SHQ1: variants seen among roughly 807,000 people sequenced by gnomAD.
SHQ1 encodes SHQ1, H/ACA ribonucleoprotein assembly factor.
A neutral mutation model predicts 53.8 loss-of-function variants in SHQ1; 49 were observed. The observed-to-expected ratio is 0.91, with a 90% confidence interval of 0.72 to 1.16. SHQ1 has a LOEUF of 1.16. Among genes scored for constraint, SHQ1 ranks in the 50% most tolerant of loss-of-function variants. The probability of loss-of-function intolerance (pLI) is 0.00; values close to 1 mark genes in which losing one functional copy is unlikely to be tolerated. For missense variants in SHQ1, 738 were observed against 683.1 expected (o/e 1.08, Z -0.90); for synonymous variants, 243 against 251.0 (o/e 0.97, Z 0.30).
At chr3:72,770,814 T>A (rs1023268186) in intron 10 of SHQ1, among the ~76,000 whole-genome samples, 1 of 152,132 alleles carries the variant, frequency 6.6e-6, no homozygotes, top group African/African-American at 2.4e-5. Context: ...GACCATGAAC[T>A]CAAAATATGT....
intron 10 of SHQ1, among the ~76,000 whole-genome samples, chr3:72,792,314 A>T (rs1330645019): frequency 6.6e-6 from 1 of 152,234 alleles, no homozygotes; most frequent in African/African-American, 2.4e-5. Flanking sequence ...TAGCAAGGCA[A>T]TCAATATCAC....
chr3:72,755,802 TTC>T (rs1705486009), intron 10 of SHQ1, among the ~76,000 whole-genome samples: 1 of 152,248 alleles, frequency 6.6e-6, no homozygotes, highest in Non-Finnish European at 1.5e-5. Flanking sequence ...GTAGTAGTTT[TTC>T]TCTGTCGTAC....
At chr3:72,786,365 A>G (rs992782243) in intron 10 of SHQ1, among the ~76,000 whole-genome samples, 1 of 152,120 alleles carries the variant, frequency 6.6e-6, no homozygotes, top group Non-Finnish European at 1.5e-5. Flanking sequence ...GATGCTCCAT[A>G]TTCTCCCAGG....
At chr3:72,800,736 T>C (rs2106821775) in intron 9 of SHQ1, among the ~76,000 whole-genome samples, 1 of 152,352 alleles carries the variant, frequency 6.6e-6, no homozygotes. Flanking sequence ...ATGTACTAGT[T>C]ATAACATCTC....
At chr3:72,816,854 A>G (rs1005066080) in intron 7 of SHQ1, among the ~76,000 whole-genome samples, 1 of 152,168 alleles carries the variant, frequency 6.6e-6, no homozygotes, top group Non-Finnish European at 1.5e-5. Flanking sequence ...TGGCTGAGAG[A>G]AAGAATATAA....
downstream of SHQ1, among the ~76,000 whole-genome samples, chr3:72,747,211 T>C (rs913794399): frequency 3.3e-5 from 5 of 152,210 alleles, no homozygotes; most frequent in African/African-American, 1.2e-4. Context: ...CAAATATTTA[T>C]GGAGTGCTTG....
At chr3:72,748,449 G>A (rs1180624126), downstream of SHQ1, among the ~76,000 whole-genome samples, 33 of 150,356 alleles carry the variant, frequency 2.2e-4, no homozygotes, top group Non-Finnish European at 1.5e-5. Context: ...CCAGCACTTT[G>A]GGAGACCGAG....
At chr3:72,778,278 AG>A (rs1705998316) in intron 10 of SHQ1, among the ~76,000 whole-genome samples, 1 of 152,046 alleles carries the variant, frequency 6.6e-6, no homozygotes, top group South Asian at 2.1e-4. Flanking sequence ...GGGGTAACAA[AG>A]CAAGACTCTA....
the SHQ1 span, among the ~76,000 whole-genome samples, chr3:72,731,687 CAAA>C: frequency 9.2e-6 from 1 of 108,688 alleles, no homozygotes; most frequent in African/African-American, 3.5e-5. Context: ...GACTCCGTTT[CAAA>C]AAAAAAAAAA....
intron 9 of SHQ1, among the ~76,000 whole-genome samples, chr3:72,796,725 C>T (rs139253369): frequency 0.015 from 2,329 of 151,994 alleles, 57 homozygotes; most frequent in African/African-American, 0.051. Context: ...GAGGCTGAGG[C>T]AGGAGAATCG....
At chr3:72,789,410 G>C (rs975407103) in intron 10 of SHQ1, among the ~76,000 whole-genome samples, 6 of 152,200 alleles carry the variant, frequency 3.9e-5, no homozygotes, top group Non-Finnish European at 4.4e-5. Flanking sequence ...CGTGGCCCAA[G>C]ACAATTCTTC....
the SHQ1 span, among the ~76,000 whole-genome samples, chr3:72,735,539 T>C: frequency 2.1e-5 from 3 of 140,300 alleles, no homozygotes; most frequent in Non-Finnish European, 4.7e-5. Flanking sequence ...AGCAAGTCAC[T>C]TGGAGTCCAG....
chr3:72,772,745 A>G (rs1705881472), intron 10 of SHQ1: 1 of 746,950 alleles, frequency 1.3e-6, no homozygotes, highest in Non-Finnish European at 2.5e-6. Flanking sequence ...ACTCCCGTGG[A>G]TGATCTTCAT....
chr3:72,740,965 G>A, the SHQ1 span, among the ~76,000 whole-genome samples: 1 of 152,112 alleles, frequency 6.6e-6, no homozygotes, highest in Non-Finnish European at 1.5e-5. Flanking sequence ...ACTTCCAAGG[G>A]CCTTATCCTC....
chr3:72,750,978 A>G, intron 10 of SHQ1, 142 bp from the exon 11 acceptor site: 3 of 608,234 alleles, frequency 4.9e-6, no homozygotes, highest in Middle Eastern at 9.1e-4. Context: ...GATCCAAGAT[A>G]TTTATGTAAA....
At chr3:72,779,418 G>A (rs962127805) in intron 10 of SHQ1, among the ~76,000 whole-genome samples, 17 of 152,126 alleles carry the variant, frequency 1.1e-4, no homozygotes, top group Non-Finnish European at 5.9e-5. Context: ...CTCACCAGGC[G>A]AGGTCAGCCA....
chr3:72,766,365 T>C (rs1705730950), intron 10 of SHQ1, among the ~76,000 whole-genome samples: 1 of 152,134 alleles, frequency 6.6e-6, no homozygotes, highest in Non-Finnish European at 1.5e-5. Context: ...CATCCACCTC[T>C]GTGGGCCAAC....
intron 10 of SHQ1, among the ~76,000 whole-genome samples, chr3:72,780,700 GA>G (rs1302334301): frequency 6.6e-6 from 1 of 152,140 alleles, no homozygotes; most frequent in African/African-American, 2.4e-5. Flanking sequence ...CAAGAGTCAG[GA>G]GAAGAGATGA....
At chr3:72,769,449 A>G (rs1018478235) in intron 10 of SHQ1, among the ~76,000 whole-genome samples, 2 of 152,168 alleles carry the variant, frequency 1.3e-5, no homozygotes, top group African/African-American at 2.4e-5. Flanking sequence ...GTATATCTCA[A>G]TACGTACCTG....
Sources: gnomAD v4.1 joint callset for allele counts (sites outside exome capture counted in the v4.1 genomes callset) on GRCh38, gnomAD v4.1.1 for gene constraint, MANE v1.5 for transcripts, NCBI Gene and HGNC (gene_info 2026-07-23, HGNC 2026-07-21) for gene names.